The following WDR17 variants were observed in gnomAD, a reference collection of about 807,000 sequenced individuals.
The protein encoded by WDR17 is WD repeat-containing protein 17.
Under a neutral mutation model 161.7 loss-of-function variants are expected in WDR17, and 143 were observed. The observed-to-expected ratio is 0.88, with a 90% CI of 0.77 to 1.02. The LOEUF (loss-of-function observed/expected upper bound fraction) is 1.02, where lower values mean the gene tolerates loss of function less well. Ranked by LOEUF, WDR17 falls within the 50% of genes least tolerant of loss-of-function variation. The pLI is 0.00. For synonymous variants in WDR17, 517 were observed against 515.6 expected, an observed-to-expected ratio of 1.00 and a Z score of -0.04; for missense variants, 1,469 against 1,520.9, an observed-to-expected ratio of 0.97 and a Z score of 0.57.
intron 1 of WDR17, among the ~76,000 whole-genome samples, chr4:176,075,998 C>A (rs1385921640): frequency 6.6e-6 from 1 of 151,648 alleles, no homozygotes; most frequent in African/African-American, 2.4e-5. Flanking sequence ...AAAGTGAGAT[C>A]ACAATAGTTC....
chr4:176,078,127 T>C (rs1030760552), intron 1 of WDR17, among the ~76,000 whole-genome samples: 2 of 152,142 alleles, frequency 1.3e-5, no homozygotes, highest in Non-Finnish European at 2.9e-5. Context: ...TTCCTTCTTA[T>C]TGCTGCAGAA....
At chr4:176,148,862 T>C (rs1393483429) in intron 13 of WDR17, among the ~76,000 whole-genome samples, 1 of 152,216 alleles carries the variant, frequency 6.6e-6, no homozygotes, top group Non-Finnish European at 1.5e-5. Context: ...TGCACATCTC[T>C]TCACTCTCAT....
chr4:176,170,177 A>G (rs994319406), intron 23 of WDR17, among the ~76,000 whole-genome samples: 2 of 152,154 alleles, frequency 1.3e-5, no homozygotes, highest in African/African-American at 4.8e-5. Context: ...CTTAATTCAA[A>G]TAATTTTATT....
chr4:176,109,110 TG>T (rs1739290961), intron 1 of WDR17, among the ~76,000 whole-genome samples: 1 of 152,158 alleles, frequency 6.6e-6, no homozygotes, highest in Non-Finnish European at 1.5e-5. Flanking sequence ...ATTTTAAATG[TG>T]TGTTTAAAGA....
intron 4 of WDR17, among the ~76,000 whole-genome samples, 191 bp downstream of exon 4, chr4:176,120,288 T>TATATA (rs1174111501): frequency 1.5e-5 from 2 of 136,516 alleles, no homozygotes; most frequent in African/African-American, 5.5e-5. Flanking sequence ...ATTTGAAGTT[T>TATATA]TATATATATA....
At chr4:176,155,475 C>T (rs573177640) in intron 17 of WDR17, among the ~76,000 whole-genome samples, 3 of 150,332 alleles carry the variant, frequency 2.0e-5, no homozygotes, top group South Asian at 2.1e-4. Context: ...CCTAAGGAAC[C>T]GAGGGGTACT....
intron 1 of WDR17, among the ~76,000 whole-genome samples, chr4:176,083,464 G>A (rs1233205862): frequency 1.3e-5 from 2 of 152,082 alleles, no homozygotes; most frequent in Non-Finnish European, 2.9e-5. Context: ...ATGGAATACA[G>A]TATTATTTTT....
At chr4:176,080,392 G>A (rs1249608076) in intron 1 of WDR17, among the ~76,000 whole-genome samples, 2 of 151,360 alleles carry the variant, frequency 1.3e-5, no homozygotes, top group East Asian at 1.9e-4. Flanking sequence ...TGATCCCTAG[G>A]ACGTTCTAAA....
At chr4:176,093,207 A>T (rs1379430934) in intron 1 of WDR17, among the ~76,000 whole-genome samples, 1 of 152,210 alleles carries the variant, frequency 6.6e-6, no homozygotes. Flanking sequence ...AAATGGAAAG[A>T]TCTTCCATGT....
At position 176,150,532 on chromosome 4, in the gene WDR17, T is replaced by A. The variant is rs1461954130; in HGVS notation, c.2243T>A (p.Leu748Ter). The change falls in exon 16 of 29, where the codon TTA becomes TAA. Residue 748 changes from leucine (L) to a stop codon, truncating the protein, a stop_gained. Transcript: ENST00000508596. LOFTEE classifies it high-confidence loss of function. The part of the protein sequence containing the change: ...VAVIKGQDDS[L>*]LPQNYCKGIM... ...GTGATAAAAGGACAGGATGATAGCTTACTTCCTCAGAACTACTGCAAAGGA... is the reference window on the plus strand; with the variant it reads ...GTGATAAAAGGACAGGATGATAGCTAACTTCCTCAGAACTACTGCAAAGGA... 1.2e-6 allele frequency: 2 copies of A among 1,612,292 alleles called. No individual in the cohort carries two copies. Among genetic ancestry groups the A allele is most frequent in the South Asian group, 2.2e-5 (2 of 90,568 alleles).
At chr4:176,096,395 T>G (rs1413414893) in intron 1 of WDR17, 1 of 651,092 alleles carries the variant, frequency 1.5e-6, no homozygotes, top group African/African-American at 1.9e-5. Context: ...CCTTTTGTAC[T>G]GAACATCATT....
At chr4:176,120,288 T>TTATATATATATATA (rs33940735) in intron 4 of WDR17, among the ~76,000 whole-genome samples, 191 bp downstream of exon 4, 294 of 136,468 alleles carry the variant, frequency 2.2e-3, no homozygotes, top group Middle Eastern at 0.016. Flanking sequence ...ATTTGAAGTT[T>TTATATATATATATA]TATATATATA....
At position 176,181,534 on chromosome 4, in the gene WDR17, G is replaced by A. The variant is rs1752159397; in HGVS notation, c.*1955G>A. ...AATATACACAACTCAGAGATGCAAT[G>A]GATAATATAAAAAGAGTACCTGAGA... On this transcript the variant is annotated 3_prime_UTR_variant, in exon 29 of 29. Transcript: ENST00000508596. The A allele has an allele frequency of 4.6e-6, 1 of 218,882 alleles. No individual in the cohort carries two copies. Among genetic ancestry groups the A allele is most frequent in the South Asian group, 6.7e-5 (1 of 14,818 alleles). The allele number at this position is 218,882 out of a possible 1,614,324, so 13.6% of individuals were successfully genotyped here.
intron 1 of WDR17, among the ~76,000 whole-genome samples, chr4:176,085,011 T>G (rs1735250244): frequency 6.6e-6 from 1 of 151,756 alleles, no homozygotes; most frequent in African/African-American, 2.4e-5. Context: ...AGCTTTATAA[T>G]GGATAGTATA....
At chr4:176,096,061 G>C (rs987210316) in intron 1 of WDR17, among the ~76,000 whole-genome samples, 1 of 152,028 alleles carries the variant, frequency 6.6e-6, no homozygotes, top group Non-Finnish European at 1.5e-5. Context: ...CAGAAATATA[G>C]GATTGGTTTT....
At chr4:176,167,601 T>C (rs1292792126) in intron 22 of WDR17, among the ~76,000 whole-genome samples, 5 of 121,602 alleles carry the variant, frequency 4.1e-5, no homozygotes, top group Non-Finnish European at 8.0e-5. Flanking sequence ...GAGCCGAGAT[T>C]GCGCCACTGC....
chr4:176,095,292 C>G (rs939884010), intron 1 of WDR17, among the ~76,000 whole-genome samples: 6 of 152,046 alleles, frequency 3.9e-5, no homozygotes, highest in African/African-American at 1.4e-4. Flanking sequence ...GGCAGAATAG[C>G]CAAGGTAACA....
rs1055078428 is a variant in WDR17, at chr4:176,181,912, G to A, written c.*2333G>A. On this transcript the variant is annotated 3_prime_UTR_variant, in exon 29 of 29. Transcript: ENST00000508596. ...TCTGAAATCTAAATTGGATGGATTT[G>A]ACCATCATTCTATTATCTTTGATTT... 2 of 152,008 alleles carry A rather than the reference G, an allele frequency of 1.3e-5. No homozygotes were observed. The highest frequency in any genetic ancestry group is 4.8e-5 in the African/African-American group (2 of 41,414). 9.4% of individuals were successfully genotyped at this position (152,008 alleles called of 1,614,324 possible).
rs554357204 is a variant in WDR17 at position 176,140,092 on chromosome 4, C to T, written c.1442+118C>T. On this transcript the variant is annotated intron_variant, in intron 10 of 28. Coordinates refer to ENST00000508596, the MANE Select transcript of WDR17 (RefSeq NM_181265.4). ...GTACAGCTCTACCAACTCTCAGAGG[C>T]GTTATTTTTAAGCCCATATAGGCAC... 325 of 762,490 alleles carry T rather than the reference C, an allele frequency of 4.3e-4. 1 individual carries two copies. In the African/African-American group the frequency reaches 4.6e-3, roughly 11 times the overall value. The allele number at this position is 762,490 out of a possible 1,614,324, so 47.2% of individuals were successfully genotyped here. A position where few individuals can be genotyped will look rare whatever the true frequency, so the allele number is the denominator to read the frequency against.
Sources: gnomAD v4.1 joint callset for allele counts (sites outside exome capture counted in the v4.1 genomes callset) on GRCh38, gnomAD v4.1.1 for gene constraint, MANE v1.5 for transcripts, NCBI Gene and HGNC (gene_info 2026-07-23, HGNC 2026-07-21) for gene names.